DLG2: variants seen among roughly 807,000 people sequenced by gnomAD.
DLG2 encodes disks large homolog 2.
DLG2 carries 45 observed loss-of-function variants against 132.5 expected under a neutral mutation model. The observed-to-expected ratio is 0.34, with a 90% CI of 0.27 to 0.44. The LOEUF is 0.44. Ranked by LOEUF, DLG2 falls within the 20% of genes least tolerant of loss-of-function variation. The pLI, the probability that DLG2 is intolerant of heterozygous loss-of-function variation, is 1.00. For missense variants in DLG2, 1,045 were observed against 1,196.9 expected (o/e 0.87, Z 1.87); for synonymous variants, 424 against 419.6 (o/e 1.01, Z -0.13).
At chr11:85,113,238 G>C (rs1270361802) in intron 5 of DLG2, among the ~76,000 whole-genome samples, 1 of 152,014 alleles carries the variant, frequency 6.6e-6, no homozygotes, top group Non-Finnish European at 1.5e-5. Flanking sequence ...GCTCTTGACA[G>C]TCACAACTGT....
At chr11:85,171,315 A>C (rs1001469347) in intron 4 of DLG2, among the ~76,000 whole-genome samples, 1 of 152,120 alleles carries the variant, frequency 6.6e-6, no homozygotes, top group African/African-American at 2.4e-5. Flanking sequence ...GAGCCAGGGG[A>C]ACCCCCACCT....
chr11:84,562,043 A>G (rs1438765187), intron 6 of DLG2, among the ~76,000 whole-genome samples: 3 of 152,166 alleles, frequency 2.0e-5, no homozygotes, highest in African/African-American at 7.2e-5. Flanking sequence ...AAGAATTTTT[A>G]AAAGTTAAAA....
chr11:85,565,667 T>A lies in DLG2; in HGVS notation c.40+32990A>T, dbSNP rs552428477. Among the ~76,000 whole-genome samples, 166 of 152,280 alleles carry A rather than the reference T, an allele frequency of 1.1e-3. 1 individual carries two copies. Among genetic ancestry groups the A allele is most frequent in the African/African-American group, 3.9e-3 (161 of 41,582 alleles). On this transcript the variant is annotated intron_variant, in intron 3 of 27. Coordinates refer to ENST00000376104, the MANE Select transcript of DLG2 (RefSeq NM_001142699.3). ...ATAATGTTTTCAAGTTTTAGCCATA[T>A]TGTAGCATGTATCAGCACTTCATTC... is the stretch of plus-strand genomic sequence containing the variant.
At chr11:84,276,879 C>A (rs570975596) in intron 7 of DLG2, among the ~76,000 whole-genome samples, 1 of 152,242 alleles carries the variant, frequency 6.6e-6, no homozygotes, top group East Asian at 1.9e-4. Flanking sequence ...CTAAAATAAC[C>A]AAACAAAAGG....
At chr11:84,851,489 C>G (rs1401268580) in intron 6 of DLG2, among the ~76,000 whole-genome samples, 1 of 152,032 alleles carries the variant, frequency 6.6e-6, no homozygotes, top group African/African-American at 2.4e-5. Flanking sequence ...CTTCAGCCCC[C>G]ACTGTTAGCT....
chr11:84,638,175 G>A (rs574173937), intron 6 of DLG2, among the ~76,000 whole-genome samples: 3 of 152,158 alleles, frequency 2.0e-5, no homozygotes, highest in Non-Finnish European at 2.9e-5. Flanking sequence ...ATTTCAACAA[G>A]AGTAATAAAA....
intron 3 of DLG2, among the ~76,000 whole-genome samples, chr11:85,288,311 G>T (rs2078683531): frequency 6.6e-6 from 1 of 151,876 alleles, no homozygotes. Flanking sequence ...TAACTGTGAG[G>T]TCATGTTTGA....
At chr11:85,187,493 TC>T (rs906764829) in intron 4 of DLG2, among the ~76,000 whole-genome samples, 22 of 151,736 alleles carry the variant, frequency 1.4e-4, no homozygotes, top group African/African-American at 5.3e-4. Flanking sequence ...TAAAAATATA[TC>T]GAATTAGAAA....
chr11:83,842,891 T>C (rs1011718858), intron 16 of DLG2, among the ~76,000 whole-genome samples: 6 of 152,028 alleles, frequency 3.9e-5, no homozygotes, highest in Non-Finnish European at 8.8e-5. Flanking sequence ...GGGCTATTCC[T>C]TGAACTCTGA....
At chr11:83,554,626 T>C (rs1209456632) in intron 19 of DLG2, among the ~76,000 whole-genome samples, 1 of 152,234 alleles carries the variant, frequency 6.6e-6, no homozygotes, top group African/African-American at 2.4e-5. Context: ...TCTAACAATA[T>C]TTACCTCGTC....
intron 11 of DLG2, among the ~76,000 whole-genome samples, chr11:83,987,994 C>A (rs886999805): frequency 6.6e-6 from 1 of 151,698 alleles, no homozygotes; most frequent in African/African-American, 2.4e-5. Context: ...TTGTTTTTTT[C>A]TTGTAAATTT....
chr11:85,514,387 A>T (rs1472998830), intron 3 of DLG2, among the ~76,000 whole-genome samples: 3 of 152,014 alleles, frequency 2.0e-5, no homozygotes, highest in Non-Finnish European at 2.9e-5. Flanking sequence ...TGTGAATGAA[A>T]TCACATAGGA....
At chr11:85,150,747 TGTG>T (rs2077196355) in intron 5 of DLG2, among the ~76,000 whole-genome samples, 1 of 131,502 alleles carries the variant, frequency 7.6e-6, no homozygotes, top group Admixed American at 8.1e-5. Flanking sequence ...TGTGTGTGTG[TGTG>T]TAACATTTTC....
At position 84,154,234 on chromosome 11, in the gene DLG2, G is replaced by C. The variant is rs182958219; in HGVS notation, c.624+9227C>G. ...GCTGGTCTCAAAATACTGACCTCAA[G>C]TGATCCACCCACCTCAGCCTCCCAA... is the stretch of plus-strand genomic sequence containing the variant. On this transcript the variant is annotated intron_variant, in intron 9 of 27. Coordinates refer to ENST00000376104, the MANE Select transcript of DLG2 (RefSeq NM_001142699.3). Among the ~76,000 whole-genome samples, 6 of 152,320 alleles carry C rather than the reference G, an allele frequency of 3.9e-5. No individual in the cohort carries two copies. In the East Asian group the frequency reaches 1.2e-3, roughly 29 times the overall value.
intron 6 of DLG2, among the ~76,000 whole-genome samples, chr11:84,777,314 T>TAC (rs1453689782): frequency 8.3e-6 from 1 of 120,040 alleles, no homozygotes; most frequent in Non-Finnish European, 1.8e-5. Context: ...TATATATATA[T>TAC]ATATATATAT....
chr11:84,502,285 T>TCTTTCTTTCTTTCTTTCTTTCTTTCTTTC (rs2099216324), intron 7 of DLG2, among the ~76,000 whole-genome samples: 1 of 2,718 alleles, frequency 3.7e-4, no homozygotes, highest in Non-Finnish European at 6.2e-4. Flanking sequence ...CTTCCTTCTT[T>TCTTTCTTTCTTTCTTTCTTTCTTTCTTTC]CTTTCTTTCT....
intron 18 of DLG2, among the ~76,000 whole-genome samples, chr11:83,713,929 A>T (rs1333580957): frequency 6.6e-6 from 1 of 152,190 alleles, no homozygotes; most frequent in Non-Finnish European, 1.5e-5. Flanking sequence ...TTTTCAGCAG[A>T]GAATTAGGTG....
chr11:84,391,532 C>T (rs184149791), intron 7 of DLG2, among the ~76,000 whole-genome samples: 9 of 152,080 alleles, frequency 5.9e-5, no homozygotes, highest in East Asian at 5.8e-4. Context: ...ATCAAACAAT[C>T]GATATTTTAC....
chr11:83,694,360 A>G (rs575206017), intron 18 of DLG2, among the ~76,000 whole-genome samples: 43 of 152,286 alleles, frequency 2.8e-4, no homozygotes, highest in African/African-American at 1.0e-3. Flanking sequence ...GAAACAGATA[A>G]GAAAAGGGAA....
Sources: gnomAD v4.1 joint callset for allele counts (sites outside exome capture counted in the v4.1 genomes callset) on GRCh38, gnomAD v4.1.1 for gene constraint, MANE v1.5 for transcripts, NCBI Gene and HGNC (gene_info 2026-07-23, HGNC 2026-07-21) for gene names.